The following ERG variants were observed in gnomAD, a reference collection of about 807,000 sequenced individuals.
ERG encodes ETS transcription factor ERG, also known as transcriptional regulator ERG.
In ERG, 9 loss-of-function variants were observed where a neutral mutation model predicts 55.3. The ratio of observed to expected loss-of-function variants is 0.16; its 90% CI spans 0.10 to 0.28. The LOEUF is 0.28. ERG is among the 10% of genes least tolerant of loss of function. ERG has a pLI of 1.00. For missense variants in ERG, 434 were observed against 631.6 expected, an observed-to-expected ratio of 0.69 and a Z score of 3.35; for synonymous variants, 223 against 237.3, an observed-to-expected ratio of 0.94 and a Z score of 0.55.
At chr21:38,558,947 A>G (rs1016566402) in intron 2 of ERG, among the ~76,000 whole-genome samples, 2 of 152,244 alleles carry the variant, frequency 1.3e-5, no homozygotes, top group African/African-American at 4.8e-5. Flanking sequence ...TACCAACTAC[A>G]TAATTTGAAT....
intron 1 of ERG, among the ~76,000 whole-genome samples, chr21:38,447,381 A>C (rs1470946431): frequency 6.6e-6 from 1 of 151,616 alleles, no homozygotes; most frequent in African/African-American, 2.4e-5. Flanking sequence ...AGTAATGCAA[A>C]ATGTACCAAA....
At chr21:38,447,000 G>T (rs2836409) in intron 1 of ERG, among the ~76,000 whole-genome samples, 3 of 151,670 alleles carry the variant, frequency 2.0e-5, no homozygotes, top group East Asian at 1.9e-4. Flanking sequence ...ACATAAATAA[G>T]GGTGCTTCCC....
At chr21:38,449,730 TA>T (rs2058923546) in intron 1 of ERG, among the ~76,000 whole-genome samples, 1 of 152,182 alleles carries the variant, frequency 6.6e-6, no homozygotes, top group Non-Finnish European at 1.5e-5. Flanking sequence ...TATTAGAAAA[TA>T]AAGGCCCAAA....
At chr21:38,372,366 T>C in the ERG span, among the ~76,000 whole-genome samples, 1 of 151,970 alleles carries the variant, frequency 6.6e-6, no homozygotes, top group Non-Finnish European at 1.5e-5. Flanking sequence ...CACTTCCTAA[T>C]TGTTTTTATT....
chr21:38,435,468 A>G (rs1291734113), intron 2 of ERG, among the ~76,000 whole-genome samples: 1 of 152,182 alleles, frequency 6.6e-6, no homozygotes, highest in Non-Finnish European at 1.5e-5. Context: ...TCCGGGCTCA[A>G]ACTGAAACCG....
intron 1 of ERG, among the ~76,000 whole-genome samples, chr21:38,597,513 A>G (rs1247247448): frequency 6.6e-6 from 1 of 151,406 alleles, no homozygotes. Context: ...ACACAGAGAA[A>G]GAGAGAGAGG....
At chr21:38,431,898 T>C (rs1267731784) in intron 2 of ERG, among the ~76,000 whole-genome samples, 2 of 152,206 alleles carry the variant, frequency 1.3e-5, no homozygotes, top group Non-Finnish European at 2.9e-5. Context: ...GCTCACATGC[T>C]GCAGCCACAG....
intron 2 of ERG, among the ~76,000 whole-genome samples, chr21:38,539,740 C>G (rs1345900078): frequency 6.6e-6 from 1 of 152,012 alleles, no homozygotes; most frequent in Non-Finnish European, 1.5e-5. Context: ...TGTGCATAGA[C>G]GAGGAGCGGC....
chr21:38,479,871 T>C (rs1045407636), intron 1 of ERG, among the ~76,000 whole-genome samples: 2 of 152,234 alleles, frequency 1.3e-5, no homozygotes, highest in East Asian at 1.9e-4. Context: ...TTACTGTACA[T>C]CTTAGCAACC....
intron 1 of ERG, among the ~76,000 whole-genome samples, chr21:38,483,298 CA>C (rs1301221472): frequency 5.3e-5 from 8 of 151,874 alleles, no homozygotes; most frequent in Non-Finnish European, 1.0e-4. Flanking sequence ...TCTTGCCCCA[CA>C]AAAAAAGAAT....
At chr21:38,451,011 G>T in intron 1 of ERG, 1 of 436,072 alleles carries the variant, frequency 2.3e-6, no homozygotes. Context: ...CAAGGCTGTA[G>T]ACTGGCCACT....
At chr21:38,617,839 T>A (rs1459739791) in intron 1 of ERG, among the ~76,000 whole-genome samples, 3 of 152,174 alleles carry the variant, frequency 2.0e-5, no homozygotes, top group African/African-American at 4.8e-5. Context: ...TAGAGTCCAC[T>A]GCTGAAGAAG....
At chr21:38,418,389 G>T (rs1192493703) in intron 3 of ERG, among the ~76,000 whole-genome samples, 3 of 151,552 alleles carry the variant, frequency 2.0e-5, no homozygotes, top group Admixed American at 1.3e-4. Flanking sequence ...TGGGCTCAAA[G>T]AATCCTCCCG....
chr21:38,610,524 C>CGTGT (rs149000999), intron 1 of ERG, among the ~76,000 whole-genome samples: 513 of 117,282 alleles, frequency 4.4e-3, no homozygotes, highest in African/African-American at 0.017. Context: ...TGCGCGCACG[C>CGTGT]GCGTGTGTGT....
chr21:38,497,739 A>T (rs767432351), intron 1 of ERG, among the ~76,000 whole-genome samples: 18 of 152,196 alleles, frequency 1.2e-4, no homozygotes, highest in Non-Finnish European at 2.4e-4. Flanking sequence ...AATCTTACTC[A>T]CAGTGCACAG....
chr21:38,415,688 G>C (rs1285461373), intron 3 of ERG, among the ~76,000 whole-genome samples: 1 of 152,098 alleles, frequency 6.6e-6, no homozygotes, highest in Non-Finnish European at 1.5e-5. Context: ...TCACCCAGTT[G>C]TGCAAGTGTT....
chr21:38,622,081 G>A (rs1429655880), intron 1 of ERG, among the ~76,000 whole-genome samples: 2 of 152,216 alleles, frequency 1.3e-5, no homozygotes, highest in African/African-American at 2.4e-5. Context: ...GGACATGCAC[G>A]GGAGGAAAGG....
In ERG at chr21:38,495,362, T is replaced by C. The variant is rs534462438; in HGVS notation, c.18+3001A>G. Among the ~76,000 whole-genome samples, 34 of 152,304 alleles carry C rather than the reference T, an allele frequency of 2.2e-4. No individual in the cohort carries two copies. The East Asian group carries it at 6.4e-3, about 29-fold the overall frequency. ...CTCTGTTAATTCAAAAAAAAGTAAC[T>C]TCTTTAGGCAAGTCATGGAAATAGC... On this transcript the variant is annotated intron_variant, in intron 1 of 9. Coordinates refer to ENST00000288319, the MANE Select transcript of ERG (RefSeq NM_182918.4).
chr21:38,464,489 A>G (rs2059071061), intron 1 of ERG, among the ~76,000 whole-genome samples: 1 of 152,150 alleles, frequency 6.6e-6, no homozygotes, highest in African/African-American at 2.4e-5. Context: ...TTATTGTCTA[A>G]ATTCCAACTG....
Sources: allele counts gnomAD v4.1 joint callset (sites outside exome capture counted in the v4.1 genomes callset), GRCh38; gene constraint gnomAD v4.1.1; transcripts MANE v1.5; gene names NCBI Gene and HGNC (gene_info 2026-07-23, HGNC 2026-07-21).